The following MEI4 variants were observed in gnomAD, a reference collection of about 807,000 sequenced individuals.
The protein encoded by MEI4 is meiotic double-stranded break formation protein 4, also known as meiosis-specific protein MEI4.
Under a neutral mutation model 31.4 loss-of-function variants are expected in MEI4, and 27 were observed. That is an observed-to-expected ratio of 0.86 (90% CI 0.63 to 1.19). MEI4 has a LOEUF of 1.19. Among genes scored for constraint, MEI4 ranks in the 50% most tolerant of loss-of-function variants. The pLI is 0.00. For missense variants in MEI4, 329 were observed against 398.9 expected, an observed-to-expected ratio of 0.82 and a Z score of 1.49; for synonymous variants, 122 against 145.4, an observed-to-expected ratio of 0.84 and a Z score of 1.16.
At chr6:77,801,366 A>G (rs1300329542) in intron 3 of MEI4, among the ~76,000 whole-genome samples, 3 of 151,742 alleles carry the variant, frequency 2.0e-5, no homozygotes, top group Admixed American at 6.6e-5. Context: ...TATCACGTCT[A>G]TTCTTCTCTG....
intron 1 of MEI4, among the ~76,000 whole-genome samples, chr6:77,679,315 C>T (rs1458329681): frequency 6.6e-6 from 1 of 152,178 alleles, no homozygotes; most frequent in Non-Finnish European, 1.5e-5. Flanking sequence ...GTGCCCTATA[C>T]AGGTATACCA....
intron 2 of MEI4, among the ~76,000 whole-genome samples, chr6:77,694,331 A>G (rs1206821996): frequency 2.6e-5 from 4 of 152,080 alleles, no homozygotes; most frequent in Non-Finnish European, 4.4e-5. Context: ...TTACATACGT[A>G]TACATGTGTC....
At chr6:77,710,601 T>A (rs1766442194) in intron 2 of MEI4, among the ~76,000 whole-genome samples, 3 of 151,538 alleles carry the variant, frequency 2.0e-5, no homozygotes, top group Non-Finnish European at 2.9e-5. Flanking sequence ...ATTTTAAAAA[T>A]TTATTTTTCT....
chr6:77,735,103 T>C (rs1168465612), intron 2 of MEI4, among the ~76,000 whole-genome samples: 5 of 152,008 alleles, frequency 3.3e-5, no homozygotes, highest in Non-Finnish European at 5.9e-5. Context: ...GAACTGACAA[T>C]TATGTGTCTT....
At chr6:77,657,719 A>G (rs1381382491) in intron 1 of MEI4, among the ~76,000 whole-genome samples, 1 of 151,916 alleles carries the variant, frequency 6.6e-6, no homozygotes, top group Admixed American at 6.6e-5. Flanking sequence ...ATTTTCTTTT[A>G]TTCCCTAATA....
At chr6:77,709,820 A>T (rs1385450051) in intron 2 of MEI4, among the ~76,000 whole-genome samples, 1 of 152,186 alleles carries the variant, frequency 6.6e-6, no homozygotes, top group Non-Finnish European at 1.5e-5. Flanking sequence ...TGTGCTTTTA[A>T]TAACTCCAAA....
chr6:77,805,356 C>T lies in MEI4; in HGVS notation c.769-23575C>T, dbSNP rs145059784. Among the ~76,000 whole-genome samples, 238 of 152,138 alleles carry T rather than the reference C, an allele frequency of 1.6e-3. 1 individual carries two copies. The highest frequency in any genetic ancestry group is 5.1e-3 in the African/African-American group (212 of 41,520). Reference sequence around the variant, plus strand: ...ACTCATTAAAATTTCATGAGCTTTCCAGCCTCCCACTTTTGATAATACTGT... The same window carrying T: ...ACTCATTAAAATTTCATGAGCTTTCTAGCCTCCCACTTTTGATAATACTGT... On this transcript the variant is annotated intron_variant, in intron 3 of 4. Coordinates refer to ENST00000684080, the MANE Select transcript of MEI4 (RefSeq NM_001322247.2).
At chr6:77,727,104 A>G (rs1200625849) in intron 2 of MEI4, among the ~76,000 whole-genome samples, 1 of 152,160 alleles carries the variant, frequency 6.6e-6, no homozygotes. Flanking sequence ...CTCCACAAAA[A>G]CGGGAGAGGG....
At chr6:77,883,582 A>C (rs13203077) in intron 4 of MEI4, among the ~76,000 whole-genome samples, 1 of 151,800 alleles carries the variant, frequency 6.6e-6, no homozygotes, top group African/African-American at 2.4e-5. Flanking sequence ...TTCACATGGC[A>C]CAATGACCTT....
intron 4 of MEI4, among the ~76,000 whole-genome samples, chr6:77,834,751 A>G (rs942787408): frequency 1.3e-5 from 2 of 152,162 alleles, no homozygotes; most frequent in Non-Finnish European, 2.9e-5. Flanking sequence ...GGTAAAGATT[A>G]AAGGCTGGGT....
At chr6:77,767,433 C>T (rs1240927115) in intron 3 of MEI4, among the ~76,000 whole-genome samples, 1 of 151,106 alleles carries the variant, frequency 6.6e-6, no homozygotes, top group Non-Finnish European at 1.5e-5. Context: ...GGTGGCTCAC[C>T]CCTGTATTCC....
chr6:77,788,887 G>A (rs916905881), intron 3 of MEI4, among the ~76,000 whole-genome samples: 3 of 152,164 alleles, frequency 2.0e-5, no homozygotes, highest in African/African-American at 4.8e-5. Context: ...TTTCTTCACA[G>A]AATTGGAAAA....
chr6:77,693,795 A>G (rs969279599), intron 2 of MEI4, among the ~76,000 whole-genome samples: 5 of 152,134 alleles, frequency 3.3e-5, no homozygotes, highest in Non-Finnish European at 7.4e-5. Context: ...TCCTTGCTCT[A>G]AGAAAACTCC....
At chr6:77,853,797 G>A (rs6454009) in intron 4 of MEI4, among the ~76,000 whole-genome samples, 21,909 of 152,128 alleles carry the variant, frequency 0.14, 1,859 homozygotes, top group East Asian at 0.39. Context: ...AGAGGTCTAG[G>A]AAGTACAGTC....
At chr6:77,884,989 G>A (rs779299360) in intron 4 of MEI4, among the ~76,000 whole-genome samples, 23 of 152,148 alleles carry the variant, frequency 1.5e-4, no homozygotes, top group Non-Finnish European at 2.4e-4. Flanking sequence ...CCCTGAGCAT[G>A]GAATGTTTTT....
chr6:77,768,838 A>G (rs549593716), intron 3 of MEI4, among the ~76,000 whole-genome samples: 24 of 152,292 alleles, frequency 1.6e-4, no homozygotes, highest in African/African-American at 4.3e-4. Flanking sequence ...TTATAATTGC[A>G]TATACAGCCT....
intron 4 of MEI4, among the ~76,000 whole-genome samples, chr6:77,856,760 C>A (rs1263608241): frequency 6.6e-6 from 1 of 151,974 alleles, no homozygotes; most frequent in Non-Finnish European, 1.5e-5. Flanking sequence ...TAAATATCAT[C>A]TCATCTTATC....
At chr6:77,855,906 C>A (rs144605266) in intron 4 of MEI4, among the ~76,000 whole-genome samples, 2 of 152,080 alleles carry the variant, frequency 1.3e-5, no homozygotes, top group Non-Finnish European at 2.9e-5. Flanking sequence ...CCATGATATG[C>A]GAGTTTAATC....
intron 4 of MEI4, among the ~76,000 whole-genome samples, chr6:77,877,434 C>A (rs1771368281): frequency 6.6e-6 from 1 of 151,752 alleles, no homozygotes; most frequent in African/African-American, 2.4e-5. Context: ...TGCCAGTTTT[C>A]AGAAAGAAGG....
Sources: allele counts gnomAD v4.1 joint callset (sites outside exome capture counted in the v4.1 genomes callset), GRCh38; gene constraint gnomAD v4.1.1; transcripts MANE v1.5; gene names NCBI Gene and HGNC (gene_info 2026-07-23, HGNC 2026-07-21).